SLC23A1: variants seen among roughly 807,000 people sequenced by gnomAD.
SLC23A1 encodes solute carrier family 23 member 1.
In SLC23A1, 31 loss-of-function variants were observed where a neutral mutation model predicts 62.5. The observed-to-expected ratio is 0.50, with a 90% CI of 0.37 to 0.67. SLC23A1 has a LOEUF of 0.67. Ranked by LOEUF, SLC23A1 falls within the 30% of genes least tolerant of loss-of-function variation. The pLI, the probability that SLC23A1 is intolerant of heterozygous loss-of-function variation, is 0.00. For synonymous variants in SLC23A1, 271 were observed against 313.2 expected, an observed-to-expected ratio of 0.87 and a Z score of 1.42; for missense variants, 640 against 782.7, an observed-to-expected ratio of 0.82 and a Z score of 2.18.
chr5:139,375,027 G>A (rs544637168), intron 13 of SLC23A1, among the ~76,000 whole-genome samples: 5 of 152,240 alleles, frequency 3.3e-5, no homozygotes, highest in African/African-American at 7.2e-5. Flanking sequence ...AAAATCCTAC[G>A]GGGAACCCTG....
chr5:139,382,440 G>A (rs1032554162), intron 2 of SLC23A1, 52 bp downstream of exon 2: 3 of 1,043,468 alleles, frequency 2.9e-6, no homozygotes, highest in African/African-American at 3.2e-5. Context: ...GGAGGGGCTG[G>A]AGTCCCCGGG....
chr5:139,368,356 ATAAAT>A lies in SLC23A1; in HGVS notation c.*20-730_*20-726del, dbSNP rs545132378. On this transcript the variant is annotated intron_variant, in intron 14 of 14. Coordinates refer to ENST00000348729, the MANE Select transcript of SLC23A1 (RefSeq NM_005847.5). The stretch of plus-strand genomic sequence containing the variant: ...CTCCGTCTCATAAAAAAAAAACTAA[ATAAAT>A]AAATAAAAATACAAAAAATTAGTTG... 5.0e-3 allele frequency among the ~76,000 whole-genome samples: 750 copies of A among 151,404 alleles called. 8 individuals carry two copies. The highest frequency in any genetic ancestry group is 0.017 in the African/African-American group (720 of 41,212).
intron 13 of SLC23A1, among the ~76,000 whole-genome samples, chr5:139,375,430 C>T (rs1411950920): frequency 6.6e-6 from 1 of 152,168 alleles, no homozygotes; most frequent in African/African-American, 2.4e-5. Context: ...CTTCAGGAGG[C>T]CGAGACAGAA....
upstream of SLC23A1, among the ~76,000 whole-genome samples, chr5:139,383,670 C>G (rs929079799): frequency 1.3e-5 from 2 of 152,236 alleles, no homozygotes; most frequent in Non-Finnish European, 2.9e-5. Context: ...TTATCATCAT[C>G]ATCATAGTCA....
chr5:139,383,911 T>C (rs1185000508), upstream of SLC23A1, among the ~76,000 whole-genome samples: 2 of 152,222 alleles, frequency 1.3e-5, no homozygotes, highest in Non-Finnish European at 2.9e-5. Flanking sequence ...TCAGGGTCCC[T>C]GAGGCAGGCA....
chr5:139,383,488 G>A (rs1259262419), upstream of SLC23A1: 9 of 653,662 alleles, frequency 1.4e-5, no homozygotes, highest in Non-Finnish European at 1.7e-5. Flanking sequence ...CCACATCTGC[G>A]CCTGGGCGCT....
chr5:139,383,184 G>GT (rs1554162148), intron 1 of SLC23A1, 34 bp downstream of exon 1: 1 of 229,122 alleles, frequency 4.4e-6, no homozygotes, highest in Non-Finnish European at 7.3e-6. Context: ...CACCCCCCCT[G>GT]CCCCCCCTAG....
At chr5:139,369,518 T>C (rs1312103622) in intron 14 of SLC23A1, 4 of 152,546 alleles carry the variant, frequency 2.6e-5, no homozygotes, top group Non-Finnish European at 5.9e-5. Context: ...AGTGGTGCTT[T>C]TCCTTGCTTT....
chr5:139,369,708 G>A (rs549424564), intron 14 of SLC23A1: 1 of 152,614 alleles, frequency 6.6e-6, no homozygotes, highest in South Asian at 2.1e-4. Flanking sequence ...ATAAATAATA[G>A]TAGAACTGAG....
intron 13 of SLC23A1, 121 bp from the exon 14 acceptor site, chr5:139,372,374 C>A: frequency 1.0e-6 from 1 of 961,190 alleles, no homozygotes; most frequent in South Asian, 1.7e-5. Context: ...ATCATTTGGT[C>A]CTAAAACGTG....
At chr5:139,385,409 A>G (rs2152075045), upstream of SLC23A1, among the ~76,000 whole-genome samples, 1 of 152,282 alleles carries the variant, frequency 6.6e-6, no homozygotes, top group African/African-American at 2.4e-5. Context: ...TCAGAAACCC[A>G]GGGCCCATCC....
chr5:139,368,703 A>G lies in SLC23A1; in HGVS notation c.*20-1072T>C, dbSNP rs752481539. 3.3e-6 allele frequency: 5 copies of G among 1,524,844 alleles called. No homozygotes were observed. The African/African-American group carries it at 6.8e-5, about 21-fold the overall frequency. 94.5% of individuals were successfully genotyped at this position (1,524,844 alleles called of 1,614,324 possible). On this transcript the variant is annotated intron_variant, in intron 14 of 14. Coordinates refer to ENST00000348729, the MANE Select transcript of SLC23A1 (RefSeq NM_005847.5). ...ATTAGTACCTGAAACTGTGTTAATG[A>G]ACTTGCTTTTTTATGTACTTATTTT...
chr5:139,382,390 G>A, intron 2 of SLC23A1, 102 bp downstream of exon 2: 1 of 675,082 alleles, frequency 1.5e-6, no homozygotes, highest in Non-Finnish European at 2.6e-6. Context: ...CTGACCTCAG[G>A]TTTTTCTTCC....
rs1758329749 is a variant in SLC23A1, at chr5:139,382,580, G to A, written c.62C>T (p.Thr21Ile). 1.2e-6 allele frequency: 2 copies of A among 1,613,208 alleles called. No individual in the cohort carries two copies. Among genetic ancestry groups the A allele is most frequent in the Non-Finnish European group, 1.7e-6 (2 of 1,179,444 alleles). Residue 21 changes from threonine to isoleucine, a missense_variant, in exon 2 of 15, where the codon ACC becomes ATC. Physicochemically the swap from Thr to Ile is moderately conservative, Grantham distance 89. Coordinates refer to ENST00000348729, the MANE Select transcript of SLC23A1 (RefSeq NM_005847.5). ...TQHETTRDPS[T>I]PLPTEPKFDM... ...AAACTTAGGCTCTGTGGGTAGCGGG[G>A]TCGAGGGGTCCCTGGTGGTTTCATG... is the stretch of plus-strand genomic sequence containing the variant.
chr5:139,385,312 C>T (rs530545545), upstream of SLC23A1, among the ~76,000 whole-genome samples: 32 of 152,306 alleles, frequency 2.1e-4, no homozygotes, highest in Admixed American at 8.5e-4. Flanking sequence ...TAGGTGGGGT[C>T]CAGGGCTTCT....
At position 139,373,249 on chromosome 5, in the gene SLC23A1, T is replaced by C. The variant is rs146118191; in HGVS notation, c.1550-996A>G. On this transcript the variant is annotated intron_variant, in intron 13 of 14. Coordinates refer to ENST00000348729, the MANE Select transcript of SLC23A1 (RefSeq NM_005847.5). ...ATGGAGTACAGTGGGTTGATCTCGG[T>C]TCACTGCAACCTCTGCCTCCCAGAT... Among the ~76,000 whole-genome samples the C allele has an allele frequency of 2.8e-3, 429 of 151,562 alleles. 3 individuals carry two copies. Among genetic ancestry groups the C allele is most frequent in the African/African-American group, 9.5e-3 (393 of 41,242 alleles).
At position 139,380,905 on chromosome 5, in the gene SLC23A1, G is replaced by T; in HGVS notation, c.309-19C>A. The T allele has an allele frequency of 2.8e-6, 1 of 353,466 alleles. No homozygotes were observed. The highest frequency in any genetic ancestry group is 5.1e-6 in the Non-Finnish European group (1 of 196,758). 21.9% of individuals were successfully genotyped at this position (353,466 alleles called of 1,614,324 possible). A position where few individuals can be genotyped will look rare whatever the true frequency, so the allele number is the denominator to read the frequency against. ...CGGCAGCCTGGAGGAGAGGCACAAA[G>T]CAACAGGGGTGGGGAGGGGCGGGTG... is the stretch of plus-strand genomic sequence containing the variant. On this transcript the variant is annotated intron_variant, in intron 3 of 14. Transcript: ENST00000348729.
chr5:139,368,834 T>C, intron 14 of SLC23A1: 1 of 1,424,754 alleles, frequency 7.0e-7, no homozygotes, highest in Non-Finnish European at 9.9e-7. Flanking sequence ...TGTAGCACAA[T>C]TTCCACACTG....
At chr5:139,382,754 G>A in intron 1 of SLC23A1, 149 bp from the exon 2 acceptor site, 1 of 611,610 alleles carries the variant, frequency 1.6e-6, no homozygotes, top group Non-Finnish European at 2.9e-6. Context: ...CCACCCGGGT[G>A]CCACTTGGCC....
Sources: allele counts gnomAD v4.1 joint callset (sites outside exome capture counted in the v4.1 genomes callset), GRCh38; gene constraint gnomAD v4.1.1; transcripts MANE v1.5; gene names NCBI Gene and HGNC (gene_info 2026-07-23, HGNC 2026-07-21).